ERG: variants seen among roughly 807,000 people sequenced by gnomAD.
ERG encodes the protein ETS transcription factor ERG.
ERG carries 9 observed loss-of-function variants against 55.3 expected under a neutral mutation model. That is an observed-to-expected ratio of 0.16 (90% CI 0.10 to 0.28). The LOEUF (loss-of-function observed/expected upper bound fraction) is 0.28, where lower values mean the gene tolerates loss of function less well. ERG is among the 10% of genes least tolerant of loss of function. The pLI is 1.00. For missense variants in ERG, 434 were observed against 631.6 expected (o/e 0.69, Z 3.35); for synonymous variants, 223 against 237.3 (o/e 0.94, Z 0.55).
At chr21:38,433,524 T>G (rs1990315989) in intron 2 of ERG, among the ~76,000 whole-genome samples, 1 of 152,174 alleles carries the variant, frequency 6.6e-6, no homozygotes, top group Non-Finnish European at 1.5e-5. Flanking sequence ...CAAAATAAAC[T>G]TGGCATCTGA....
downstream of ERG, among the ~76,000 whole-genome samples, chr21:38,379,642 G>A (rs1413765240): frequency 6.6e-6 from 1 of 152,042 alleles, no homozygotes; most frequent in African/African-American, 2.4e-5. Context: ...TTTGTGAGAA[G>A]ATAATGATGT....
chr21:38,421,076 G>A (rs1362429046), intron 3 of ERG, among the ~76,000 whole-genome samples: 1 of 152,056 alleles, frequency 6.6e-6, no homozygotes, highest in Admixed American at 6.5e-5. Flanking sequence ...TTTTTCTTAT[G>A]TGCCACACAT....
the ERG span, among the ~76,000 whole-genome samples, chr21:38,370,917 T>C: frequency 6.6e-6 from 1 of 151,704 alleles, no homozygotes; most frequent in Admixed American, 6.6e-5. Flanking sequence ...CTCTGTGTAA[T>C]TTTAAAAACA....
rs542669108 is a variant in ERG, at chr21:38,573,578, C to A, written c.-41+2084G>T. Among the ~76,000 whole-genome samples the A allele has an allele frequency of 1.8e-4, 28 of 152,322 alleles. 1 individual carries two copies. In the South Asian group the frequency reaches 3.3e-3, roughly 18 times the overall value. On this transcript the variant is annotated intron_variant, in intron 2 of 8. Coordinates refer to the ERG transcript ENST00000398897. ...CTATGTGCACATCCAGGCATAGTACCTTCCCTTGAACTTAATTATGACATA... is the reference window on the plus strand; with the variant it reads ...CTATGTGCACATCCAGGCATAGTACATTCCCTTGAACTTAATTATGACATA...
At chr21:38,442,611 G>A (rs1160183507) in intron 2 of ERG, among the ~76,000 whole-genome samples, 1 of 152,000 alleles carries the variant, frequency 6.6e-6, no homozygotes, top group African/African-American at 2.4e-5. Flanking sequence ...CTTATAGACT[G>A]TAGCCCCTTG....
At chr21:38,634,277 G>C (rs753823360) in intron 1 of ERG, among the ~76,000 whole-genome samples, 22 of 152,142 alleles carry the variant, frequency 1.4e-4, no homozygotes, top group Admixed American at 6.5e-5. Flanking sequence ...CCCATTATGA[G>C]CAAAAGTCGC....
chr21:38,643,354 A>T (rs460947), intron 1 of ERG, among the ~76,000 whole-genome samples: 124,514 of 152,070 alleles, frequency 0.82, 51,498 homozygotes, highest in African/African-American at 0.95. Flanking sequence ...AAAAACGTCT[A>T]TCTGGACACA....
At chr21:38,645,768 G>C (rs1249751610) in intron 1 of ERG, among the ~76,000 whole-genome samples, 1 of 152,192 alleles carries the variant, frequency 6.6e-6, no homozygotes, top group East Asian at 1.9e-4. Context: ...GAAAATGTAT[G>C]TCCCTTTTAC....
intron 5 of ERG, among the ~76,000 whole-genome samples, chr21:38,401,258 G>A (rs376908547): frequency 6.6e-6 from 1 of 152,150 alleles, no homozygotes; most frequent in South Asian, 2.1e-4. Context: ...TATATTTGGA[G>A]CTTTTTTGAA....
chr21:38,379,061 A>G (rs930715793), downstream of ERG, among the ~76,000 whole-genome samples: 1 of 152,208 alleles, frequency 6.6e-6, no homozygotes, highest in Non-Finnish European at 1.5e-5. Flanking sequence ...AAGTCTTTTC[A>G]CATGTGCTGC....
rs374411054 is a variant in ERG at position 38,382,318 on chromosome 21, C to G, written c.*1085G>C. ...AAAGGAAAACTGGAGGCCGCCTACC[C>G]AAAATGCCTGCGTGATTTCTGATTG... On this transcript the variant is annotated 3_prime_UTR_variant, in exon 10 of 10. Transcript: ENST00000288319. The G allele has an allele frequency of 3.1e-5, 33 of 1,056,654 alleles. No homozygotes were observed. Among genetic ancestry groups the G allele is most frequent in the Non-Finnish European group, 3.5e-5 (31 of 873,748 alleles). The allele number at this position is 1,056,654 out of a possible 1,614,324, so 65.5% of individuals were successfully genotyped here.
the ERG span, among the ~76,000 whole-genome samples, chr21:38,370,574 A>G: frequency 6.6e-6 from 1 of 152,198 alleles, no homozygotes; most frequent in African/African-American, 2.4e-5. Flanking sequence ...TAAATCCTTA[A>G]TCATATATGT....
At chr21:38,590,586 A>ATCCG (rs2060094185) in intron 1 of ERG, among the ~76,000 whole-genome samples, 9 of 151,902 alleles carry the variant, frequency 5.9e-5, no homozygotes, top group Admixed American at 2.6e-4. Flanking sequence ...CCATCCATCC[A>ATCCG]TCCATCCATC....
intron 2 of ERG, among the ~76,000 whole-genome samples, chr21:38,539,310 T>G (rs2059734183): frequency 6.6e-6 from 1 of 152,162 alleles, no homozygotes; most frequent in African/African-American, 2.4e-5. Flanking sequence ...AGGTGCAAAA[T>G]ATATGCTGGA....
chr21:38,390,853 C>A, intron 9 of ERG, 142 bp downstream of exon 9: 1 of 681,718 alleles, frequency 1.5e-6, no homozygotes, highest in Non-Finnish European at 2.6e-6. Context: ...ACCCATCTTT[C>A]CATTAAGGCA....
downstream of ERG, among the ~76,000 whole-genome samples, chr21:38,379,235 T>C (rs377299626): frequency 1.3e-5 from 2 of 152,326 alleles, no homozygotes; most frequent in East Asian, 3.9e-4. Flanking sequence ...CAGGATAGCT[T>C]CTGTATCCTC....
At chr21:38,400,907 CCTAT>C (rs956115723) in intron 5 of ERG, among the ~76,000 whole-genome samples, 71 of 152,262 alleles carry the variant, frequency 4.7e-4, no homozygotes, top group African/African-American at 1.6e-3. Flanking sequence ...TTGATGAAGC[CCTAT>C]CTGTGTCCCC....
At chr21:38,425,652 G>A (rs1989785926) in intron 2 of ERG, among the ~76,000 whole-genome samples, 1 of 152,134 alleles carries the variant, frequency 6.6e-6, no homozygotes, top group Non-Finnish European at 1.5e-5. Flanking sequence ...GGGAACCTTC[G>A]CTTTCTCTAG....
At chr21:38,551,320 C>A (rs1477202195) in intron 2 of ERG, among the ~76,000 whole-genome samples, 1 of 151,960 alleles carries the variant, frequency 6.6e-6, no homozygotes, top group African/African-American at 2.4e-5. Context: ...TGGTCTTTTG[C>A]ATGGTTTTTT....
Sources: allele counts gnomAD v4.1 joint callset (sites outside exome capture counted in the v4.1 genomes callset), GRCh38; gene constraint gnomAD v4.1.1; transcripts MANE v1.5; gene names NCBI Gene and HGNC (gene_info 2026-07-23, HGNC 2026-07-21).